The following INPP4B variants were observed in gnomAD, a reference collection of about 807,000 sequenced individuals.
INPP4B encodes the protein inositol polyphosphate-4-phosphatase type II B.
INPP4B carries 55 observed loss-of-function variants against 122.5 expected under a neutral mutation model. That is an observed-to-expected ratio of 0.45 (90% CI 0.36 to 0.56). INPP4B has a LOEUF of 0.56. INPP4B is among the 20% of genes least tolerant of loss of function. The pLI is 0.00. For synonymous variants in INPP4B, 403 were observed against 388.7 expected, an observed-to-expected ratio of 1.04 and a Z score of -0.43; for missense variants, 1,000 against 1,097.7, an observed-to-expected ratio of 0.91 and a Z score of 1.26.
chr4:142,612,838 A>G (rs1213560559), intron 2 of INPP4B, among the ~76,000 whole-genome samples: 2 of 152,132 alleles, frequency 1.3e-5, no homozygotes, highest in Non-Finnish European at 2.9e-5. Context: ...GAAAAGAAGC[A>G]TTCAGTCTGT....
In INPP4B at chr4:142,305,546, A is replaced by G; in HGVS notation, c.424-9T>C. ...TAGCCCAAGAAACTTCGCTGAAAAT[A>G]ACAGAAAGAATGGTTTCATTAACTT... is the stretch of plus-strand genomic sequence containing the variant. On this transcript the variant is annotated splice_polypyrimidine_tract_variant and intron_variant, in intron 8 of 25. Transcript: ENST00000262992. The G allele has an allele frequency of 6.2e-7, 1 of 1,608,414 alleles. No individual in the cohort carries two copies. Among genetic ancestry groups the G allele is most frequent in the Non-Finnish European group, 8.5e-7 (1 of 1,177,570 alleles).
chr4:142,078,182 T>TGATACTGGATA (rs1771873683), intron 25 of INPP4B, among the ~76,000 whole-genome samples: 2 of 28,740 alleles, frequency 7.0e-5, no homozygotes, highest in Admixed American at 1.3e-3. Flanking sequence ...ACTGGATAAG[T>TGATACTGGATA]AGAAAAAAAG....
intron 2 of INPP4B, among the ~76,000 whole-genome samples, chr4:142,675,629 C>T (rs572324348): frequency 6.6e-6 from 1 of 152,256 alleles, no homozygotes; most frequent in Non-Finnish European, 1.5e-5. Context: ...TCCAGCAGCA[C>T]ATCAAAAAGC....
At chr4:142,220,127 C>T (rs1434103264) in intron 12 of INPP4B, among the ~76,000 whole-genome samples, 2 of 152,118 alleles carry the variant, frequency 1.3e-5, no homozygotes, top group Non-Finnish European at 2.9e-5. Context: ...TGCCACATTG[C>T]CAGTAAATGG....
At chr4:142,330,504 G>T (rs1034612607) in intron 7 of INPP4B, among the ~76,000 whole-genome samples, 2 of 152,080 alleles carry the variant, frequency 1.3e-5, no homozygotes, top group African/African-American at 4.8e-5. Flanking sequence ...GTCAGAACCA[G>T]GGATGCATAC....
intron 2 of INPP4B, among the ~76,000 whole-genome samples, chr4:142,585,879 CT>C (rs1398078275): frequency 2.3e-4 from 18 of 79,808 alleles, no homozygotes; most frequent in Admixed American, 1.5e-3. Context: ...TATTATTATA[CT>C]TTAAGTTCTG....
At chr4:142,730,387 G>A (rs190083910) in intron 1 of INPP4B, among the ~76,000 whole-genome samples, 177 of 152,244 alleles carry the variant, frequency 1.2e-3, no homozygotes, top group Admixed American at 6.2e-3. Flanking sequence ...TATTTTAAAG[G>A]TGTCCTATAC....
chr4:142,091,213 T>C (rs1349771436), intron 23 of INPP4B, among the ~76,000 whole-genome samples: 1 of 152,202 alleles, frequency 6.6e-6, no homozygotes, highest in Non-Finnish European at 1.5e-5. Flanking sequence ...TGATTTGTTC[T>C]TTTTTGTTTG....
intron 16 of INPP4B, among the ~76,000 whole-genome samples, chr4:142,162,566 G>A (rs1483109121): frequency 6.6e-6 from 1 of 151,744 alleles, no homozygotes; most frequent in Non-Finnish European, 1.5e-5. Context: ...TTGAATTCCT[G>A]CTACTACATT....
intron 7 of INPP4B, among the ~76,000 whole-genome samples, chr4:142,382,052 T>C (rs2148864346): frequency 6.6e-6 from 1 of 152,294 alleles, no homozygotes; most frequent in Middle Eastern, 3.4e-3. Context: ...AAAAAACGTA[T>C]CTAATTCCCA....
chr4:142,215,260 C>T (rs1042730588), intron 12 of INPP4B, among the ~76,000 whole-genome samples: 5 of 152,106 alleles, frequency 3.3e-5, no homozygotes, highest in Admixed American at 3.3e-4. Context: ...GTTCCCTTAC[C>T]TCATATTATT....
At chr4:142,031,782 T>TA (rs1201938548) in intron 25 of INPP4B, among the ~76,000 whole-genome samples, 1 of 152,184 alleles carries the variant, frequency 6.6e-6, no homozygotes, top group African/African-American at 2.4e-5. Flanking sequence ...TTCAAATCCC[T>TA]AATTGTTAAT....
At chr4:142,394,335 C>G (rs2173209) in intron 7 of INPP4B, among the ~76,000 whole-genome samples, 40,234 of 151,908 alleles carry the variant, frequency 0.26, 6,516 homozygotes, top group South Asian at 0.4. Context: ...TTAGTAGAGA[C>G]AGGGTTTCAC....
chr4:142,318,815 G>A (rs1051288404), intron 7 of INPP4B, among the ~76,000 whole-genome samples: 4 of 152,070 alleles, frequency 2.6e-5, no homozygotes, highest in African/African-American at 9.7e-5. Flanking sequence ...CATACAGTGG[G>A]TTATTCTCAC....
chr4:142,459,933 G>C lies in INPP4B; in HGVS notation c.-127+2730C>G, dbSNP rs551058140. On this transcript the variant is annotated intron_variant, in intron 3 of 25. Transcript: ENST00000262992. ...AAGAAAAAAATACTTTTAATAAAAG[G>C]ATAAATGAATGTGCCTTTAAGTCTT... 5.9e-5 allele frequency among the ~76,000 whole-genome samples: 9 copies of C among 152,246 alleles called. No homozygotes were observed. In the East Asian group the frequency reaches 1.7e-3, roughly 29 times the overall value.
At chr4:142,612,152 G>C (rs1341867760) in intron 2 of INPP4B, among the ~76,000 whole-genome samples, 2 of 152,180 alleles carry the variant, frequency 1.3e-5, no homozygotes. Context: ...AAGGAGAGGA[G>C]TGTTTGCTGG....
intron 7 of INPP4B, among the ~76,000 whole-genome samples, chr4:142,325,626 CTT>C (rs1772047155): frequency 6.6e-6 from 1 of 152,174 alleles, no homozygotes; most frequent in African/African-American, 2.4e-5. Flanking sequence ...TAAAAGCACT[CTT>C]TTAGTTTGGA....
chr4:142,663,239 G>T (rs1755504891), intron 2 of INPP4B, among the ~76,000 whole-genome samples: 1 of 152,216 alleles, frequency 6.6e-6, no homozygotes, highest in Non-Finnish European at 1.5e-5. Flanking sequence ...TTGTTTATCT[G>T]TTAAAAGGTC....
chr4:142,526,141 A>C (rs1228234147), intron 2 of INPP4B, among the ~76,000 whole-genome samples: 1 of 152,104 alleles, frequency 6.6e-6, no homozygotes, highest in East Asian at 1.9e-4. Context: ...TTAAATATAA[A>C]ATAGTTATCA....
Sources: gnomAD v4.1 joint callset for allele counts (sites outside exome capture counted in the v4.1 genomes callset) on GRCh38, gnomAD v4.1.1 for gene constraint, MANE v1.5 for transcripts, NCBI Gene and HGNC (gene_info 2026-07-23, HGNC 2026-07-21) for gene names.